Variants in COP1 observed in about 807,000 individuals in gnomAD.
The protein encoded by COP1 is COP1 E3 ubiquitin ligase.
A neutral mutation model predicts 101.3 loss-of-function variants in COP1; 24 were observed. That is an observed-to-expected ratio of 0.24 (90% CI 0.17 to 0.33). COP1 has a LOEUF of 0.33. Among genes scored for constraint, COP1 ranks in the 10% least tolerant of loss-of-function variants. COP1 has a pLI of 1.00. For synonymous variants in COP1, 347 were observed against 341.9 expected (o/e 1.01, Z -0.17); for missense variants, 663 against 906.2 (o/e 0.73, Z 3.45).
At chr1:176,083,287 T>C (rs888570115) in intron 10 of COP1, among the ~76,000 whole-genome samples, 6 of 152,190 alleles carry the variant, frequency 3.9e-5, no homozygotes, top group African/African-American at 1.4e-4. Context: ...CCTAAGTACA[T>C]AAAACTCACA....
chr1:175,993,086 G>C lies in COP1; in HGVS notation c.1730-3607C>G, dbSNP rs185968975. ...TCAGAGAACAGGACTTGCGGTTCAC[G>C]AAAAGCCGCTGTTCTGCAGCCACCG... On this transcript the variant is annotated intron_variant, in intron 15 of 19. Coordinates refer to ENST00000367669, the MANE Select transcript of COP1 (RefSeq NM_022457.7). 4.6e-3 allele frequency among the ~76,000 whole-genome samples: 696 copies of C among 152,248 alleles called. 47 individuals are homozygous for C. Among genetic ancestry groups the C allele is most frequent in the Admixed American group, 0.042 (643 of 15,280 alleles).
chr1:176,109,992 A>G (rs1684997443), intron 9 of COP1, among the ~76,000 whole-genome samples: 1 of 152,028 alleles, frequency 6.6e-6, no homozygotes, highest in South Asian at 2.1e-4. Flanking sequence ...TTGATAAATA[A>G]TGTTTCCACT....
intron 8 of COP1, among the ~76,000 whole-genome samples, 197 bp from the exon 9 acceptor site, chr1:176,116,878 A>C (rs557993097): frequency 6.6e-6 from 1 of 152,298 alleles, no homozygotes; most frequent in South Asian, 2.1e-4. Context: ...TACCACTTCA[A>C]CCCACCACCT....
intron 11 of COP1, among the ~76,000 whole-genome samples, chr1:176,076,314 G>A (rs1397974342): frequency 6.6e-6 from 1 of 152,000 alleles, no homozygotes; most frequent in Non-Finnish European, 1.5e-5. Flanking sequence ...TCAATATCAA[G>A]AAGATCTCTC....
intron 11 of COP1, among the ~76,000 whole-genome samples, chr1:176,049,082 G>A (rs1205896608): frequency 6.7e-6 from 1 of 149,906 alleles, no homozygotes; most frequent in Non-Finnish European, 1.5e-5. Flanking sequence ...TGAGGCAGGA[G>A]AATGGCGTGA....
chr1:176,092,304 C>T (rs1445909526), intron 9 of COP1, among the ~76,000 whole-genome samples: 1 of 152,018 alleles, frequency 6.6e-6, no homozygotes, highest in Non-Finnish European at 1.5e-5. Flanking sequence ...TAATATGTTA[C>T]TGGATAATAT....
chr1:176,063,526 C>G (rs1370977846), intron 11 of COP1, among the ~76,000 whole-genome samples: 2 of 152,168 alleles, frequency 1.3e-5, no homozygotes, highest in Non-Finnish European at 1.5e-5. Context: ...TAATCTCTCT[C>G]AAGCACAGAT....
chr1:176,181,632 C>T (rs190840491), intron 2 of COP1, among the ~76,000 whole-genome samples: 93 of 151,882 alleles, frequency 6.1e-4, no homozygotes, highest in Non-Finnish European at 1.0e-4. Context: ...CACAAGGTCA[C>T]GAGATCGAGA....
intron 5 of COP1, among the ~76,000 whole-genome samples, chr1:176,151,764 T>G (rs1372622392): frequency 6.6e-6 from 1 of 152,192 alleles, no homozygotes; most frequent in East Asian, 1.9e-4. Flanking sequence ...AAGTTAGATG[T>G]CTTTCCAACT....
At chr1:175,994,631 A>G (rs1341929398) in intron 15 of COP1, among the ~76,000 whole-genome samples, 1 of 152,192 alleles carries the variant, frequency 6.6e-6, no homozygotes. Flanking sequence ...ACCAACAAAG[A>G]TCAAAACAGA....
chr1:176,120,314 G>A (rs1296984673), intron 8 of COP1, among the ~76,000 whole-genome samples: 2 of 152,000 alleles, frequency 1.3e-5, no homozygotes, highest in Non-Finnish European at 2.9e-5. Flanking sequence ...CAGATACTAG[G>A]GAGGCTGAGG....
chr1:176,180,925 C>T (rs567404329), intron 2 of COP1, among the ~76,000 whole-genome samples: 2 of 152,268 alleles, frequency 1.3e-5, no homozygotes, highest in East Asian at 1.9e-4. Flanking sequence ...GATGACGATG[C>T]TGAAGGACCC....
intron 5 of COP1, among the ~76,000 whole-genome samples, chr1:176,156,798 A>T (rs1195623260): frequency 6.6e-6 from 1 of 152,228 alleles, no homozygotes; most frequent in African/African-American, 2.4e-5. Flanking sequence ...GGGTTTCAAA[A>T]TACATGAAGC....
chr1:176,055,567 T>C (rs1673330425), intron 11 of COP1, among the ~76,000 whole-genome samples: 1 of 152,232 alleles, frequency 6.6e-6, no homozygotes, highest in Non-Finnish European at 1.5e-5. Context: ...TATAGTACAC[T>C]GATGACTATC....
At chr1:176,109,833 C>CT (rs1011907129) in intron 9 of COP1, among the ~76,000 whole-genome samples, 42 of 151,634 alleles carry the variant, frequency 2.8e-4, no homozygotes, top group African/African-American at 8.7e-4. Context: ...TGTATATGGG[C>CT]TTTTTTTTGG....
chr1:176,137,999 G>A (rs929409784), intron 6 of COP1, among the ~76,000 whole-genome samples: 11 of 152,050 alleles, frequency 7.2e-5, no homozygotes, highest in African/African-American at 2.4e-4. Flanking sequence ...GGTATACAAC[G>A]TATTAAGGGA....
At chr1:175,995,415 TAC>T (rs1405163914) in intron 15 of COP1, among the ~76,000 whole-genome samples, 2 of 151,678 alleles carry the variant, frequency 1.3e-5, no homozygotes, top group African/African-American at 2.4e-5. Flanking sequence ...CTGAAGGAAA[TAC>T]AGACACAAAA....
chr1:176,049,737 C>A (rs1035396437), intron 11 of COP1, among the ~76,000 whole-genome samples: 1 of 152,076 alleles, frequency 6.6e-6, no homozygotes, highest in Non-Finnish European at 1.5e-5. Context: ...AGATCATGAA[C>A]TAACTGAAAT....
chr1:175,971,469 G>A (rs1653222924), intron 18 of COP1, among the ~76,000 whole-genome samples: 1 of 152,104 alleles, frequency 6.6e-6, no homozygotes, highest in African/African-American at 2.4e-5. Flanking sequence ...AAGGGAGTTT[G>A]TTGAAAATGG....
Sources: allele counts gnomAD v4.1 joint callset (sites outside exome capture counted in the v4.1 genomes callset), GRCh38; gene constraint gnomAD v4.1.1; transcripts MANE v1.5; gene names NCBI Gene and HGNC (gene_info 2026-07-23, HGNC 2026-07-21).